UGT1A7: variants seen among roughly 807,000 people sequenced by gnomAD.
The protein encoded by UGT1A7 is UDP glucuronosyltransferase family 1 member A7, also known as UDP-glucuronosyltransferase 1A7.
A neutral mutation model predicts 45.6 loss-of-function variants in UGT1A7; 33 were observed. The ratio of observed to expected loss-of-function variants is 0.72; its 90% CI spans 0.55 to 0.97. The LOEUF (loss-of-function observed/expected upper bound fraction) is 0.97. UGT1A7 is among the 50% of genes least tolerant of loss of function. The pLI is 0.00. For synonymous variants in UGT1A7, 274 were observed against 250.6 expected (o/e 1.09, Z -0.88); for missense variants, 684 against 666.2 (o/e 1.03, Z -0.29).
At chr2:233,759,114 A>T (rs1268154790) in intron 1 of UGT1A7, among the ~76,000 whole-genome samples, 1 of 152,228 alleles carries the variant, frequency 6.6e-6, no homozygotes, top group Non-Finnish European at 1.5e-5. Context: ...CAAACCAGGG[A>T]GTTACAGCCT....
intron 1 of UGT1A7, among the ~76,000 whole-genome samples, chr2:233,724,368 T>C (rs1161929215): frequency 2.1e-4 from 26 of 126,786 alleles, no homozygotes; most frequent in South Asian, 9.2e-4. Context: ...CCGGACGGGG[T>C]GGCTGCCGGG....
intron 1 of UGT1A7, chr2:233,748,062 A>G (rs531373066): frequency 3.5e-4 from 569 of 1,613,430 alleles, no homozygotes; most frequent in Admixed American, 9.3e-4. Context: ...CTGTGCCAAC[A>G]GGAAGCCACT....
intron 1 of UGT1A7, among the ~76,000 whole-genome samples, chr2:233,697,012 G>A (rs2075370161): frequency 6.6e-6 from 1 of 151,886 alleles, no homozygotes; most frequent in African/African-American, 2.4e-5. Context: ...ATCTATGTTC[G>A]TCAGAGATAT....
chr2:233,727,229 T>C (rs1169442036), intron 1 of UGT1A7, among the ~76,000 whole-genome samples: 2 of 152,184 alleles, frequency 1.3e-5, no homozygotes, highest in African/African-American at 2.4e-5. Flanking sequence ...CATATGCGGA[T>C]GGCTCCAAGT....
At chr2:233,756,093 T>C (rs1696120614) in intron 1 of UGT1A7, 1 of 152,228 alleles carries the variant, frequency 6.6e-6, no homozygotes, top group Admixed American at 6.5e-5. Flanking sequence ...TCAAGTAACA[T>C]TATTACGGAA....
intron 1 of UGT1A7, among the ~76,000 whole-genome samples, chr2:233,706,927 T>G (rs2075931313): frequency 6.6e-6 from 1 of 152,158 alleles, no homozygotes; most frequent in African/African-American, 2.4e-5. Context: ...AGTATGAGTC[T>G]GGTGAGATGG....
chr2:233,759,167 C>A (rs1180599090), intron 1 of UGT1A7, among the ~76,000 whole-genome samples: 1 of 152,178 alleles, frequency 6.6e-6, no homozygotes, highest in African/African-American at 2.4e-5. Context: ...ACAAGGCAGG[C>A]AGGTTTCACG....
intron 1 of UGT1A7, chr2:233,748,001 G>A: frequency 6.2e-7 from 1 of 1,613,512 alleles, no homozygotes; most frequent in Non-Finnish European, 8.5e-7. Context: ...ACTTTGTGAT[G>A]GATTACCCCA....
chr2:233,712,940 C>G (rs367897859), intron 1 of UGT1A7: 1 of 1,612,388 alleles, frequency 6.2e-7, no homozygotes. Context: ...GGAAACAATT[C>G]TAGGAGGCAC....
chr2:233,721,061 C>T (rs1345947029), intron 1 of UGT1A7, among the ~76,000 whole-genome samples: 1 of 152,076 alleles, frequency 6.6e-6, no homozygotes, highest in Non-Finnish European at 1.5e-5. Flanking sequence ...GTCATATTCA[C>T]TGAATTTATA....
chr2:233,741,547 T>G (rs4663963), intron 1 of UGT1A7: 82,548 of 151,614 alleles, frequency 0.54, 24,567 homozygotes, highest in African/African-American at 0.79. Flanking sequence ...GATACTTCTT[T>G]TATGGTTATT....
At chr2:233,701,168 C>T (rs984714879) in intron 1 of UGT1A7, among the ~76,000 whole-genome samples, 4 of 152,038 alleles carry the variant, frequency 2.6e-5, no homozygotes, top group Non-Finnish European at 4.4e-5. Flanking sequence ...TGAATAGTGC[C>T]GTTATAAACA....
intron 1 of UGT1A7, among the ~76,000 whole-genome samples, chr2:233,694,695 C>T (rs767071977): frequency 2.6e-4 from 40 of 152,288 alleles, no homozygotes; most frequent in Admixed American, 1.3e-3. Flanking sequence ...AGACCCTTAC[C>T]TCTCTTCTTT....
chr2:233,737,540 C>T (rs191771735), intron 1 of UGT1A7, among the ~76,000 whole-genome samples: 164 of 152,332 alleles, frequency 1.1e-3, no homozygotes, highest in East Asian at 4.4e-3. Flanking sequence ...TGCCCTGCTT[C>T]GGCTTGCCCT....
intron 4 of UGT1A7, chr2:233,770,673 A>G (rs1176637451): frequency 6.6e-6 from 1 of 152,078 alleles, no homozygotes; most frequent in African/African-American, 2.4e-5. Context: ...AAAAAAAAAA[A>G]AAGAAGGTTC....
intron 1 of UGT1A7, among the ~76,000 whole-genome samples, chr2:233,725,546 T>A (rs1230093464): frequency 2.0e-5 from 3 of 152,124 alleles, no homozygotes; most frequent in Non-Finnish European, 4.4e-5. Flanking sequence ...ATCACAAATA[T>A]TATCCTTTCA....
At chr2:233,736,085 G>T (rs1296774053) in intron 1 of UGT1A7, among the ~76,000 whole-genome samples, 5 of 152,146 alleles carry the variant, frequency 3.3e-5, no homozygotes, top group African/African-American at 9.7e-5. Flanking sequence ...AGTTCTCCTG[G>T]ATAATATCCT....
chr2:233,685,727 G>A (rs150254106), intron 1 of UGT1A7, among the ~76,000 whole-genome samples: 5 of 152,194 alleles, frequency 3.3e-5, no homozygotes, highest in South Asian at 2.1e-4. Flanking sequence ...GTACTGCTTC[G>A]TCTTTCTCCA....
chr2:233,697,866 T>G (rs2075414431), intron 1 of UGT1A7, among the ~76,000 whole-genome samples: 1 of 152,208 alleles, frequency 6.6e-6, no homozygotes, highest in Admixed American at 6.5e-5. Flanking sequence ...ATGCATTTAT[T>G]TAATGATTTC....
Sources: allele counts gnomAD v4.1 joint callset (sites outside exome capture counted in the v4.1 genomes callset), GRCh38; gene constraint gnomAD v4.1.1; transcripts MANE v1.5; gene names NCBI Gene and HGNC (gene_info 2026-07-23, HGNC 2026-07-21).